The following RGS20 variants were observed in gnomAD, a reference collection of about 807,000 sequenced individuals.
The protein encoded by RGS20 is regulator of G protein signaling 20.
Under a neutral mutation model 33.6 loss-of-function variants are expected in RGS20, and 30 were observed. The observed-to-expected ratio is 0.89, with a 90% confidence interval of 0.67 to 1.21. The LOEUF (loss-of-function observed/expected upper bound fraction) is 1.21, where lower values mean the gene tolerates loss of function less well. Among genes scored for constraint, RGS20 ranks in the 50% most tolerant of loss-of-function variants. The probability of loss-of-function intolerance (pLI) is 0.00; values close to 1 mark genes in which losing one functional copy is unlikely to be tolerated. For synonymous variants in RGS20, 208 were observed against 197.9 expected (o/e 1.05, Z -0.43); for missense variants, 472 against 502.4 (o/e 0.94, Z 0.58).
At chr8:53,859,002 G>T (rs1811747114) in intron 1 of RGS20, among the ~76,000 whole-genome samples, 1 of 152,042 alleles carries the variant, frequency 6.6e-6, no homozygotes, top group Non-Finnish European at 1.5e-5. Context: ...AATAATCCAG[G>T]GGAGGAGGAA....
rs751368324 is a variant in RGS20 at position 53,939,610 on chromosome 8, G to C, written c.545G>C (p.Arg182Pro). The stretch of plus-strand genomic sequence containing the variant: ...TCAGAGCGGATGGAGATGCGGAAGC[G>C]GCAGATGCCCGCCGCCCAGGACACA... Residue 182 changes from arginine (R) to proline (P), a missense_variant, in exon 3 of 6, where the codon CGG becomes CCG. Arg to Pro is a moderately radical substitution (Grantham distance 103). Transcript: ENST00000297313. 2 of 1,604,398 alleles carry C rather than the reference G, an allele frequency of 1.2e-6. No individual in the cohort carries two copies. The highest frequency in any genetic ancestry group is 2.7e-5 in the African/African-American group (2 of 74,772).
At chr8:53,858,410 G>A (rs1369903560) in intron 1 of RGS20, among the ~76,000 whole-genome samples, 2 of 151,860 alleles carry the variant, frequency 1.3e-5, no homozygotes, top group Non-Finnish European at 2.9e-5. Context: ...CGCAGGAGAG[G>A]TCATAATTAG....
At chr8:53,871,110 C>T (rs1235744258) in intron 1 of RGS20, among the ~76,000 whole-genome samples, 1 of 45,192 alleles carries the variant, frequency 2.2e-5, no homozygotes, top group Admixed American at 3.6e-4. Flanking sequence ...GACTCCATCT[C>T]ACAAAAAAAA....
intron 1 of RGS20, among the ~76,000 whole-genome samples, chr8:53,859,110 T>G (rs115834691): frequency 6.6e-6 from 1 of 152,270 alleles, no homozygotes; most frequent in African/African-American, 2.4e-5. Flanking sequence ...TCACTCAGAT[T>G]TTTTGTATTT....
Position 53,948,399 on chromosome 8 carries a change from T to TATATATTTATATATGCTATATATAAGAC in RGS20, c.743+1652_743+1653insTATATTTATATATGCTATATATAAGACA, listed in dbSNP as rs1563432105. ...ATATTTATATATGCTATATATAAGA[T>TATATATTTATATATGCTATATATAAGAC]ACAGTATATATTTACATATGCTATA... On this transcript the variant is annotated intron_variant, in intron 4 of 5. Transcript: ENST00000297313. Among the ~76,000 whole-genome samples, 34 of 136,902 alleles carry TATATATTTATATATGCTATATATAAGAC rather than the reference T, an allele frequency of 2.5e-4. 2 individuals are homozygous for TATATATTTATATATGCTATATATAAGAC. Among genetic ancestry groups the TATATATTTATATATGCTATATATAAGAC allele is most frequent in the South Asian group, 4.7e-4 (2 of 4,244 alleles). 89.8% of individuals were successfully genotyped at this position (136,902 alleles called of 152,430 possible).
Position 53,877,342 on chromosome 8 carries a change from G to A in RGS20, c.166-1916G>A, listed in dbSNP as rs1812230341. On this transcript the variant is annotated intron_variant, in intron 1 of 5. Transcript: ENST00000297313. The surrounding 1 kb of genome is among the most constrained non-coding windows in gnomAD (Gnocchi z 5.7). Reference sequence around the variant, plus strand: ...CGCCCTCGCCGAGGGCCCTCGCTCCGGAGTGGGGCGCAGACGCGGCCGCCG... The same window carrying A: ...CGCCCTCGCCGAGGGCCCTCGCTCCAGAGTGGGGCGCAGACGCGGCCGCCG... 6.6e-6 allele frequency among the ~76,000 whole-genome samples: 1 copy of A among 152,112 alleles called. No individual in the cohort carries two copies. Among genetic ancestry groups the A allele is most frequent in the Admixed American group, 6.5e-5 (1 of 15,278 alleles).
chr8:53,884,465 A>G lies in RGS20; in HGVS notation c.510+4863A>G, dbSNP rs191253808. ...ATGTACCTTAGGAGCTTGAAGTGCTAACTTGTCTGAGATCACTGTAAACGT... is the reference window on the plus strand; with the variant it reads ...ATGTACCTTAGGAGCTTGAAGTGCTGACTTGTCTGAGATCACTGTAAACGT... On this transcript the variant is annotated intron_variant, in intron 2 of 5. Transcript: ENST00000297313. Among the ~76,000 whole-genome samples, 342 of 152,268 alleles carry G rather than the reference A, an allele frequency of 2.2e-3. 2 individuals are homozygous for G. Among genetic ancestry groups the G allele is most frequent in the Middle Eastern group, 0.01 (3 of 294 alleles).
At chr8:53,911,626 G>T (rs1274335496) in intron 2 of RGS20, among the ~76,000 whole-genome samples, 2 of 152,164 alleles carry the variant, frequency 1.3e-5, no homozygotes, top group Non-Finnish European at 2.9e-5. Flanking sequence ...TATGAGATTT[G>T]TCCCTAAGAA....
intron 2 of RGS20, among the ~76,000 whole-genome samples, chr8:53,925,904 T>C (rs1464227620): frequency 1.3e-5 from 2 of 151,714 alleles, no homozygotes; most frequent in Non-Finnish European, 2.9e-5. Flanking sequence ...AAAGAAAAAA[T>C]ACTTCAAGAG....
intron 2 of RGS20, 73 bp from the exon 2 acceptor site, chr8:53,939,503 C>A: frequency 7.2e-7 from 1 of 1,381,026 alleles, no homozygotes; most frequent in Non-Finnish European, 9.5e-7. Context: ...ATCCAAACAG[C>A]TGACTCCCTG....
Position 53,924,114 on chromosome 8 carries a change from C to A in RGS20, c.511-15462C>A, listed in dbSNP as rs193130431. 9.2e-5 allele frequency among the ~76,000 whole-genome samples: 14 copies of A among 152,086 alleles called. No homozygotes were observed. In the East Asian group the frequency reaches 2.7e-3, roughly 29 times the overall value. ...TTCACTGCAGCCTTGACCTCCTGGGCTCAAGCATTCCTCCAACCTCTGCCT... is the reference window on the plus strand; with the variant it reads ...TTCACTGCAGCCTTGACCTCCTGGGATCAAGCATTCCTCCAACCTCTGCCT... On this transcript the variant is annotated intron_variant, in intron 2 of 5. Transcript: ENST00000297313.
At chr8:53,932,928 C>G (rs1041502792) in intron 2 of RGS20, among the ~76,000 whole-genome samples, 2 of 152,162 alleles carry the variant, frequency 1.3e-5, no homozygotes, top group Admixed American at 6.5e-5. Context: ...GAGGAAGGAA[C>G]AGGCAGCTGT....
At chr8:53,932,918 GAGGA>G (rs891747225) in intron 2 of RGS20, among the ~76,000 whole-genome samples, 1 of 152,216 alleles carries the variant, frequency 6.6e-6, no homozygotes, top group African/African-American at 2.4e-5. Context: ...GAAGCTTCCA[GAGGA>G]AGGAACAGGC....
intron 1 of RGS20, among the ~76,000 whole-genome samples, chr8:53,874,262 G>C (rs767796628): frequency 6.6e-6 from 1 of 152,088 alleles, no homozygotes; most frequent in African/African-American, 2.4e-5. Flanking sequence ...CTTTGGCTTC[G>C]GTGTTGAGAT....
intron 2 of RGS20, among the ~76,000 whole-genome samples, chr8:53,900,234 T>C (rs1554520166): frequency 1.3e-5 from 2 of 152,154 alleles, no homozygotes; most frequent in Non-Finnish European, 2.9e-5. Context: ...CTTAAACCCC[T>C]GGGCTCAAAC....
intron 3 of RGS20, among the ~76,000 whole-genome samples, chr8:53,940,484 C>T (rs1341526392): frequency 6.6e-6 from 1 of 152,180 alleles, no homozygotes; most frequent in African/African-American, 2.4e-5. Flanking sequence ...TAAGTTAGAC[C>T]AAGACCTCAC....
chr8:53,868,651 T>C (rs961451428), intron 1 of RGS20, among the ~76,000 whole-genome samples: 1 of 151,392 alleles, frequency 6.6e-6, no homozygotes. Flanking sequence ...GCTTCACTGG[T>C]AAATATATAT....
rs904434250 is a variant in RGS20, at chr8:53,949,572, G to A, written c.743+2824G>A. Among the ~76,000 whole-genome samples the A allele has an allele frequency of 9.9e-5, 15 of 151,192 alleles. No homozygotes were observed. In the East Asian group the frequency reaches 2.0e-3, roughly 20 times the overall value. The stretch of plus-strand genomic sequence containing the variant: ...TTTCTATTAAAATACAAAAATTAGC[G>A]GGGCGTGGTGGCAAACGCCTGTAAT... On this transcript the variant is annotated intron_variant, in intron 4 of 5. Transcript: ENST00000297313.
intron 4 of RGS20, among the ~76,000 whole-genome samples, chr8:53,947,463 TAA>T (rs1361221462): frequency 2.9e-4 from 40 of 139,266 alleles, no homozygotes; most frequent in African/African-American, 4.7e-4. Flanking sequence ...ATGCTATATA[TAA>T]GATATAGTAT....
Sources: allele counts gnomAD v4.1 joint callset (sites outside exome capture counted in the v4.1 genomes callset), GRCh38; gene constraint gnomAD v4.1.1; non-coding constraint Gnocchi (gnomAD v3.1); transcripts MANE v1.5; gene names NCBI Gene and HGNC (gene_info 2026-07-23, HGNC 2026-07-21).